Variants in DLG2 observed in about 807,000 individuals in gnomAD.
The protein encoded by DLG2 is disks large homolog 2.
Under a neutral mutation model 132.5 loss-of-function variants are expected in DLG2, and 45 were observed. The observed-to-expected ratio is 0.34, with a 90% CI of 0.27 to 0.44. The LOEUF (loss-of-function observed/expected upper bound fraction) is 0.44. DLG2 is among the 20% of genes least tolerant of loss of function. The pLI is 1.00. For synonymous variants in DLG2, 424 were observed against 419.6 expected, an observed-to-expected ratio of 1.01 and a Z score of -0.13; for missense variants, 1,045 against 1,196.9, an observed-to-expected ratio of 0.87 and a Z score of 1.87.
At chr11:84,534,328 G>A (rs188178607) in intron 7 of DLG2, among the ~76,000 whole-genome samples, 27 of 152,208 alleles carry the variant, frequency 1.8e-4, no homozygotes, top group Admixed American at 4.6e-4. Flanking sequence ...CACTCTTGGC[G>A]CTTTCTTTAC....
chr11:84,679,897 A>G (rs1384473733), intron 6 of DLG2, among the ~76,000 whole-genome samples: 4 of 152,120 alleles, frequency 2.6e-5, no homozygotes, highest in African/African-American at 9.7e-5. Flanking sequence ...ACAGTATTTA[A>G]TATCAGAGAG....
intron 6 of DLG2, among the ~76,000 whole-genome samples, chr11:84,582,669 A>G (rs2154529348): frequency 6.6e-6 from 1 of 152,154 alleles, no homozygotes; most frequent in East Asian, 1.9e-4. Context: ...ATTAACATCT[A>G]TAGCTCTATC....
rs371432911 is a variant in DLG2 at position 84,117,237 on chromosome 11, G to GTA, written c.625-18192_625-18191dup. On this transcript the variant is annotated intron_variant, in intron 9 of 27. Coordinates refer to ENST00000376104, the MANE Select transcript of DLG2 (RefSeq NM_001142699.3). Reference sequence around the variant, plus strand: ...ATTTATCTTTGGCTTTATGTTCGGAGTATATGTGTATTTGCCTTATTTTCT... The same window carrying GTA: ...ATTTATCTTTGGCTTTATGTTCGGAGTATATATGTGTATTTGCCTTATTTTCT... Among the ~76,000 whole-genome samples the GTA allele has an allele frequency of 1.4e-3, 220 of 152,308 alleles. 4 individuals carry two copies. Among genetic ancestry groups the GTA allele is most frequent in the African/African-American group, 5.0e-3 (208 of 41,574 alleles).
intron 11 of DLG2, among the ~76,000 whole-genome samples, chr11:83,982,417 C>G (rs769947289): frequency 6.7e-6 from 1 of 149,250 alleles, no homozygotes; most frequent in Non-Finnish European, 1.5e-5. Context: ...TGATCCTGAC[C>G]CTGGGTAGGC....
At chr11:85,507,751 A>G (rs892432993) in intron 3 of DLG2, among the ~76,000 whole-genome samples, 3 of 151,978 alleles carry the variant, frequency 2.0e-5, no homozygotes, top group Non-Finnish European at 4.4e-5. Context: ...TGAATGTTGG[A>G]CTTCCTTGCT....
At position 83,465,697 on chromosome 11, in the gene DLG2, G is replaced by A. The variant is rs142001562; in HGVS notation, c.2729+1011C>T. Among the ~76,000 whole-genome samples, 12 of 152,254 alleles carry A rather than the reference G, an allele frequency of 7.9e-5. No individual in the cohort carries two copies. The East Asian group carries it at 2.3e-3, about 29-fold the overall frequency. On this transcript the variant is annotated intron_variant, in intron 26 of 27. Transcript: ENST00000376104. ...TTGAGTACTTACCATATGCCAAAGA[G>A]TACATGAACAGCTTTACTAAATTCC...
intron 2 of DLG2, among the ~76,000 whole-genome samples, chr11:85,609,476 C>G (rs2080834408): frequency 6.6e-6 from 1 of 152,088 alleles, no homozygotes; most frequent in Non-Finnish European, 1.5e-5. Context: ...TCAAAGAGGT[C>G]AGAAAATGGA....
chr11:84,322,845 C>T (rs976480471), intron 7 of DLG2, among the ~76,000 whole-genome samples: 2 of 152,086 alleles, frequency 1.3e-5, no homozygotes, highest in African/African-American at 4.8e-5. Flanking sequence ...CTGTCTTGGC[C>T]TCCCAAAGTG....
chr11:84,641,616 T>A (rs2154545215), intron 6 of DLG2, among the ~76,000 whole-genome samples: 1 of 152,250 alleles, frequency 6.6e-6, no homozygotes, highest in South Asian at 2.1e-4. Context: ...ATGCTTCGCT[T>A]CAGTGAGGCA....
chr11:84,806,954 C>T (rs2153967082), intron 6 of DLG2, among the ~76,000 whole-genome samples: 1 of 152,156 alleles, frequency 6.6e-6, no homozygotes, highest in African/African-American at 2.4e-5. Flanking sequence ...GGTAGAAAGA[C>T]AACACAGTAC....
At chr11:85,153,297 G>C (rs929256189) in intron 5 of DLG2, among the ~76,000 whole-genome samples, 1 of 152,064 alleles carries the variant, frequency 6.6e-6, no homozygotes, top group African/African-American at 2.4e-5. Context: ...CAACAAATAT[G>C]CCCCATCTCC....
chr11:83,522,804 G>C (rs796706379), intron 21 of DLG2, among the ~76,000 whole-genome samples: 4 of 132,246 alleles, frequency 3.0e-5, no homozygotes, highest in Admixed American at 7.6e-5. Context: ...TAATTTTAGA[G>C]CCCCCCCCCC....
At chr11:84,810,185 T>C (rs926484627) in intron 6 of DLG2, among the ~76,000 whole-genome samples, 3 of 152,010 alleles carry the variant, frequency 2.0e-5, no homozygotes, top group Admixed American at 1.3e-4. Context: ...AACTACAGCA[T>C]AGGAGAAAAT....
intron 19 of DLG2, among the ~76,000 whole-genome samples, chr11:83,549,933 T>C (rs937969603): frequency 3.3e-5 from 5 of 152,150 alleles, no homozygotes; most frequent in Admixed American, 2.0e-4. Context: ...ACCAACTGCA[T>C]TTCTCTAGGA....
chr11:84,502,246 C>T lies in DLG2; in HGVS notation c.519+32324G>A, dbSNP rs2099214025. Among the ~76,000 whole-genome samples, 5 of 38,162 alleles carry T rather than the reference C, an allele frequency of 1.3e-4. 2 individuals are homozygous for T. The African/African-American group carries it at 1.7e-3, about 13-fold the overall frequency. The allele number at this position is 38,162 out of a possible 152,430, so 25.0% of individuals were successfully genotyped here. A position where few individuals can be genotyped will look rare whatever the true frequency, so the allele number is the denominator to read the frequency against. On this transcript the variant is annotated intron_variant, in intron 7 of 27. Transcript: ENST00000376104. ...TCCTTCCTTCCTTCCTTCCTTCCTTCCTTCCTTCCTTCCTTCCTTCCTTCC... is the reference window on the plus strand; with the variant it reads ...TCCTTCCTTCCTTCCTTCCTTCCTTTCTTCCTTCCTTCCTTCCTTCCTTCC...
In DLG2 at chr11:84,628,459, C is replaced by T. The variant is rs139050295; in HGVS notation, c.358-93728G>A. On this transcript the variant is annotated intron_variant, in intron 6 of 27. Transcript: ENST00000376104. The stretch of plus-strand genomic sequence containing the variant: ...TGTTCCTTAATCAAATAGCTATATT[C>T]CAAATTATCCTAGAATATTTCTTGT... 3.0e-3 allele frequency among the ~76,000 whole-genome samples: 450 copies of T among 152,270 alleles called. 4 individuals carry two copies. The highest frequency in any genetic ancestry group is 1.0e-2 in the African/African-American group (414 of 41,564).
intron 4 of DLG2, among the ~76,000 whole-genome samples, chr11:85,215,350 ATC>A (rs1172612523): frequency 1.3e-5 from 2 of 152,152 alleles, no homozygotes; most frequent in Non-Finnish European, 2.9e-5. Flanking sequence ...TCCTGTGAAA[ATC>A]TCTTTTTCTC....
intron 16 of DLG2, among the ~76,000 whole-genome samples, chr11:83,850,966 G>A (rs1279585891): frequency 6.6e-6 from 1 of 152,048 alleles, no homozygotes; most frequent in Non-Finnish European, 1.5e-5. Context: ...CACGAGGTCA[G>A]GAGATCGAGA....
intron 4 of DLG2, among the ~76,000 whole-genome samples, chr11:85,179,593 C>T (rs1457851003): frequency 1.3e-5 from 2 of 151,528 alleles, no homozygotes; most frequent in Non-Finnish European, 3.0e-5. Context: ...CAGATGTTTC[C>T]AACCAGCAGA....
Sources: gnomAD v4.1 joint callset for allele counts (sites outside exome capture counted in the v4.1 genomes callset) on GRCh38, gnomAD v4.1.1 for gene constraint, MANE v1.5 for transcripts, NCBI Gene and HGNC (gene_info 2026-07-23, HGNC 2026-07-21) for gene names.